Variants in AVEN observed in about 807,000 individuals in gnomAD.
The protein encoded by AVEN is cell death regulator Aven.
In AVEN, 41 loss-of-function variants were observed where a neutral mutation model predicts 38.1. That is an observed-to-expected ratio of 1.08 (90% CI 0.84 to 1.40). The LOEUF (loss-of-function observed/expected upper bound fraction) is 1.40, where lower values mean the gene tolerates loss of function less well. Among genes scored for constraint, AVEN ranks in the 40% most tolerant of loss-of-function variants. The probability of loss-of-function intolerance (pLI) is 0.00; values close to 1 mark genes in which losing one functional copy is unlikely to be tolerated. For missense variants in AVEN, 605 were observed against 438.8 expected, an observed-to-expected ratio of 1.38 and a Z score of -3.38; for synonymous variants, 206 against 171.8, an observed-to-expected ratio of 1.20 and a Z score of -1.56.
intron 3 of AVEN, among the ~76,000 whole-genome samples, chr15:33,871,529 C>G (rs546845922): frequency 2.4e-4 from 36 of 151,978 alleles, no homozygotes; most frequent in African/African-American, 8.4e-4. Flanking sequence ...GATCGCAACA[C>G]TGCAAAACAG....
chr15:33,852,289 A>G, the AVEN span: 13 of 152,230 alleles, frequency 8.5e-5, no homozygotes, highest in African/African-American at 2.7e-4. Flanking sequence ...TAGGAACAAC[A>G]TATTTTCAAT....
intron 1 of AVEN, among the ~76,000 whole-genome samples, chr15:34,013,711 C>A (rs1277743318): frequency 6.6e-6 from 1 of 151,964 alleles, no homozygotes; most frequent in Non-Finnish European, 1.5e-5. Flanking sequence ...CAAGATGTTA[C>A]GGAAGCACAG....
chr15:33,885,785 G>C (rs1335646912), intron 2 of AVEN: 1 of 152,126 alleles, frequency 6.6e-6, no homozygotes, highest in African/African-American at 2.4e-5. Context: ...AGGGATTCTA[G>C]GCTTTATGAG....
chr15:33,909,681 A>C (rs1231693626), intron 2 of AVEN, among the ~76,000 whole-genome samples: 1 of 152,174 alleles, frequency 6.6e-6, no homozygotes. Flanking sequence ...CAGTTAAAAA[A>C]CCACCTAAGT....
intron 5 of AVEN, among the ~76,000 whole-genome samples, chr15:34,057,332 C>T (rs1180109639): frequency 1.3e-5 from 2 of 148,986 alleles, no homozygotes; most frequent in African/African-American, 4.9e-5. Flanking sequence ...TTAGTAGAGA[C>T]GGGGTTTCAC....
chr15:33,854,345 C>T, downstream of AVEN: 1 of 1,505,404 alleles, frequency 6.6e-7, no homozygotes, highest in Non-Finnish European at 9.0e-7. Flanking sequence ...CACTTAACTA[C>T]CTCTTGACAT....
intron 2 of AVEN, among the ~76,000 whole-genome samples, chr15:33,922,846 G>C (rs1893454432): frequency 6.6e-6 from 1 of 152,116 alleles, no homozygotes; most frequent in African/African-American, 2.4e-5. Flanking sequence ...TCTTGGGTGA[G>C]GAAGGGTGTC....
intron 2 of AVEN, among the ~76,000 whole-genome samples, chr15:33,914,346 CA>C (rs771760240): frequency 4.6e-5 from 7 of 151,918 alleles, no homozygotes; most frequent in Admixed American, 1.3e-4. Context: ...GCACAGATGC[CA>C]AAGAAGTAAG....
chr15:33,964,779 T>C (rs1597281913), intron 2 of AVEN, among the ~76,000 whole-genome samples: 1 of 152,198 alleles, frequency 6.6e-6, no homozygotes, highest in Admixed American at 6.5e-5. Flanking sequence ...ACATTCCCTA[T>C]ATATTAAAGA....
intron 2 of AVEN, among the ~76,000 whole-genome samples, chr15:33,929,286 C>T (rs1308315233): frequency 3.3e-5 from 5 of 152,106 alleles, no homozygotes; most frequent in African/African-American, 7.2e-5. Context: ...GACTGTTATC[C>T]GCTGAGGCAT....
chr15:34,011,514 T>C (rs1394784767), intron 1 of AVEN, among the ~76,000 whole-genome samples: 1 of 152,172 alleles, frequency 6.6e-6, no homozygotes, highest in African/African-American at 2.4e-5. Context: ...CCATTAAGAA[T>C]GGGAATAAAA....
At chr15:33,914,565 A>T (rs1230168964) in intron 2 of AVEN, among the ~76,000 whole-genome samples, 2 of 151,064 alleles carry the variant, frequency 1.3e-5, no homozygotes, top group African/African-American at 2.4e-5. Context: ...AGAAGAAAAT[A>T]TAAATTCCTT....
chr15:33,860,665 G>A (rs770811022), intron 11 of AVEN: 1 of 1,575,566 alleles, frequency 6.3e-7, no homozygotes, highest in Admixed American at 1.8e-5. Context: ...TGGAGGTAAT[G>A]TTACTCTAAC....
chr15:33,932,449 T>C (rs946474873), intron 2 of AVEN, among the ~76,000 whole-genome samples: 2 of 152,160 alleles, frequency 1.3e-5, no homozygotes, highest in African/African-American at 2.4e-5. Flanking sequence ...ATTAACTCTA[T>C]GAGGAAGTTA....
Position 33,868,367 on chromosome 15 carries a change from CA to C in AVEN, c.613-513del, listed in dbSNP as rs1449638765. ...TGAAACCCTGTCTCTACTAAACAAA[CA>C]AACAAACAAACAAACAAAAAACAAA... On this transcript the variant is annotated intron_variant, in intron 4 of 5. Coordinates refer to ENST00000306730, the MANE Select transcript of AVEN (RefSeq NM_020371.3). Among the ~76,000 whole-genome samples, 3 of 145,522 alleles carry C rather than the reference CA, an allele frequency of 2.1e-5. No homozygotes were observed. In the East Asian group the frequency reaches 5.8e-4, roughly 28 times the overall value.
At chr15:34,036,700 A>G (rs1392544207) in intron 1 of AVEN, among the ~76,000 whole-genome samples, 1 of 152,232 alleles carries the variant, frequency 6.6e-6, no homozygotes, top group Non-Finnish European at 1.5e-5. Context: ...AAACATGATG[A>G]TGAAGGGATA....
intron 2 of AVEN, among the ~76,000 whole-genome samples, chr15:33,916,148 A>C (rs546830866): frequency 5.9e-5 from 9 of 152,138 alleles, no homozygotes; most frequent in African/African-American, 2.2e-4. Context: ...CCCACCCACC[A>C]CCTGATCCTC....
chr15:34,062,570 A>AC (rs1900373951), intron 5 of AVEN: 15 of 691,470 alleles, frequency 2.2e-5, no homozygotes, highest in Admixed American at 3.5e-5. Flanking sequence ...AAAAAAAAAA[A>AC]AAAACTATAA....
intron 2 of AVEN, among the ~76,000 whole-genome samples, chr15:33,909,132 C>T (rs571124939): frequency 6.6e-6 from 1 of 152,274 alleles, no homozygotes; most frequent in African/African-American, 2.4e-5. Flanking sequence ...TCTTAGTGTT[C>T]TGGTTACAAA....
Sources: allele counts gnomAD v4.1 joint callset (sites outside exome capture counted in the v4.1 genomes callset), GRCh38; gene constraint gnomAD v4.1.1; transcripts MANE v1.5; gene names NCBI Gene and HGNC (gene_info 2026-07-23, HGNC 2026-07-21).